Variants in TPO observed in about 807,000 individuals in gnomAD.
TPO encodes thyroid peroxidase, also known as thyroid microsomal antigen.
In TPO, 78 loss-of-function variants were observed where a neutral mutation model predicts 96.9. That is an observed-to-expected ratio of 0.81 (90% confidence interval 0.67 to 0.97). The LOEUF is 0.97. Ranked by LOEUF, TPO falls within the 50% of genes least tolerant of loss-of-function variation. TPO has a pLI of 0.00. For missense variants in TPO, 1,252 were observed against 1,274.8 expected (o/e 0.98, Z 0.27); for synonymous variants, 547 against 538.0 (o/e 1.02, Z -0.23).
chr2:1,512,505 G>A, intron 14 of TPO: 1 of 984,296 alleles, frequency 1.0e-6, no homozygotes, highest in East Asian at 1.1e-4. Flanking sequence ...TGATGGATGT[G>A]ATGCTTGCAT....
chr2:1,419,134 TG>T, intron 2 of TPO, among the ~76,000 whole-genome samples: 1 of 152,198 alleles, frequency 6.6e-6, no homozygotes, highest in East Asian at 1.9e-4. Flanking sequence ...AAGGAGAATT[TG>T]GGGGAACCGT....
intron 14 of TPO, among the ~76,000 whole-genome samples, chr2:1,507,216 G>A (rs1194960541): frequency 1.9e-4 from 29 of 152,052 alleles, no homozygotes; most frequent in Admixed American, 1.8e-3. Context: ...TTATTACTGA[G>A]GGCTCTGTTC....
intron 2 of TPO, among the ~76,000 whole-genome samples, chr2:1,415,164 C>A (rs1662779987): frequency 6.7e-6 from 1 of 148,494 alleles, no homozygotes; most frequent in East Asian, 2.1e-4. Flanking sequence ...GCCCCTGGAG[C>A]AGGTGACACC....
intron 1 of TPO, among the ~76,000 whole-genome samples, chr2:1,382,356 G>T (rs920782414): frequency 6.6e-6 from 1 of 152,146 alleles, no homozygotes; most frequent in African/African-American, 2.4e-5. Flanking sequence ...TGAAGGGTCA[G>T]CATCTTCAAC....
intron 5 of TPO, among the ~76,000 whole-genome samples, chr2:1,444,699 G>A (rs1347036311): frequency 4.8e-5 from 1 of 20,898 alleles, no homozygotes; most frequent in South Asian, 4.2e-3. Flanking sequence ...TGTTGGAAGG[G>A]AATGGGCAGG....
chr2:1,510,132 T>C (rs1349008020), intron 14 of TPO, among the ~76,000 whole-genome samples: 2 of 152,174 alleles, frequency 1.3e-5, no homozygotes, highest in Non-Finnish European at 2.9e-5. Flanking sequence ...CTCTCAATCA[T>C]GGAAAATTAG....
At chr2:1,529,599 C>A (rs1318393726) in intron 15 of TPO, among the ~76,000 whole-genome samples, 1 of 131,562 alleles carries the variant, frequency 7.6e-6, no homozygotes, top group Non-Finnish European at 1.6e-5. Context: ...CTCAGAGCAA[C>A]CTTCTCAAAT....
chr2:1,441,850 T>G (rs942824674), intron 5 of TPO, among the ~76,000 whole-genome samples: 21 of 152,334 alleles, frequency 1.4e-4, no homozygotes, highest in Admixed American at 8.5e-4. Flanking sequence ...ACAAATTCTA[T>G]TTTAAAAATC....
chr2:1,399,283 T>C (rs894006693), intron 1 of TPO, among the ~76,000 whole-genome samples: 7 of 152,216 alleles, frequency 4.6e-5, no homozygotes, highest in Non-Finnish European at 1.0e-4. Context: ...TGCGCGGAGC[T>C]TCTCCAGCAG....
At chr2:1,495,947 C>T (rs768906060) in intron 11 of TPO, 42 bp from the exon 12 acceptor site, 2 of 1,595,132 alleles carry the variant, frequency 1.3e-6, no homozygotes, top group African/African-American at 1.3e-5. Context: ...CCTGGGGGTT[C>T]TCCATGCACT....
chr2:1,385,356 G>A (rs1216852103), intron 1 of TPO, among the ~76,000 whole-genome samples: 1 of 152,072 alleles, frequency 6.6e-6, no homozygotes, highest in Non-Finnish European at 1.5e-5. Flanking sequence ...TTTTTGGTTG[G>A]TAAGCTATTA....
chr2:1,413,070 T>C (rs1005203252), upstream of TPO, among the ~76,000 whole-genome samples: 6 of 152,224 alleles, frequency 3.9e-5, no homozygotes, highest in African/African-American at 1.4e-4. Flanking sequence ...CTCAGAGTTG[T>C]AGAGCGAGTC....
At chr2:1,520,595 T>C (rs1448113474) in intron 15 of TPO, among the ~76,000 whole-genome samples, 4 of 152,272 alleles carry the variant, frequency 2.6e-5, no homozygotes. Context: ...ATTGTTGATA[T>C]ATTTTCACTG....
intron 13 of TPO, among the ~76,000 whole-genome samples, chr2:1,499,734 G>A (rs780324446): frequency 6.6e-6 from 1 of 152,118 alleles, no homozygotes; most frequent in Non-Finnish European, 1.5e-5. Context: ...GACACCCATC[G>A]GCCAACCCTA....
At chr2:1,483,835 G>A (rs529253941) in intron 8 of TPO, among the ~76,000 whole-genome samples, 4 of 152,180 alleles carry the variant, frequency 2.6e-5, no homozygotes, top group African/African-American at 7.2e-5. Flanking sequence ...GCCAAATTAC[G>A]TGCTTAGGAA....
chr2:1,379,117 C>CA, intron 1 of TPO, among the ~76,000 whole-genome samples: 1 of 152,220 alleles, frequency 6.6e-6, no homozygotes, highest in South Asian at 2.1e-4. Flanking sequence ...TCAGCCTGGC[C>CA]AACATGTCGA....
Position 1,506,452 on chromosome 2 carries a change from T to C in TPO, c.2518+2373T>C, listed in dbSNP as rs1434074771. Reference sequence around the variant, plus strand: ...TTTCTAGTTCTAGATCCCTGAGGAATCGCCACACTGCCTTCCACAATGGTT... The same window carrying C: ...TTTCTAGTTCTAGATCCCTGAGGAACCGCCACACTGCCTTCCACAATGGTT... On this transcript the variant is annotated intron_variant, in intron 14 of 16. Transcript: ENST00000329066. Among the ~76,000 whole-genome samples the C allele has an allele frequency of 2.6e-5, 4 of 152,312 alleles. No individual in the cohort carries two copies. In the South Asian group the frequency reaches 6.2e-4, roughly 24 times the overall value.
chr2:1,384,515 G>C (rs533046133), intron 1 of TPO, among the ~76,000 whole-genome samples: 52 of 152,228 alleles, frequency 3.4e-4, no homozygotes, highest in African/African-American at 1.3e-3. Context: ...CTTTGTTTGT[G>C]TGTTTTTGGT....
intron 4 of TPO, 120 bp downstream of exon 4, chr2:1,433,727 TC>T: frequency 8.7e-7 from 1 of 1,149,416 alleles, no homozygotes; most frequent in Non-Finnish European, 1.3e-6. Context: ...AGGATGGGAC[TC>T]CAGCTCTTTC....
Sources: allele counts gnomAD v4.1 joint callset (sites outside exome capture counted in the v4.1 genomes callset), GRCh38; gene constraint gnomAD v4.1.1; transcripts MANE v1.5; gene names NCBI Gene and HGNC (gene_info 2026-07-23, HGNC 2026-07-21).